Variants in ANO3 observed in about 807,000 individuals in gnomAD.
The protein encoded by ANO3 is anoctamin-3.
A neutral mutation model predicts 144.8 loss-of-function variants in ANO3; 99 were observed. The ratio of observed to expected loss-of-function variants is 0.68; its 90% CI spans 0.58 to 0.81. ANO3 has a LOEUF of 0.81. Ranked by LOEUF, ANO3 falls within the 30% of genes least tolerant of loss-of-function variation. The pLI is 0.00. For synonymous variants in ANO3, 414 were observed against 392.6 expected (o/e 1.05, Z -0.64); for missense variants, 905 against 1,202.2 (o/e 0.75, Z 3.66).
At chr11:26,576,092 A>G (rs544334420) in intron 14 of ANO3, among the ~76,000 whole-genome samples, 203 of 152,312 alleles carry the variant, frequency 1.3e-3, no homozygotes, top group Non-Finnish European at 2.0e-3. Flanking sequence ...GTCTCTGGCT[A>G]GATTCTCCAG....
At chr11:26,514,478 A>G (rs1241498582) in intron 5 of ANO3, among the ~76,000 whole-genome samples, 1 of 152,118 alleles carries the variant, frequency 6.6e-6, no homozygotes, top group Non-Finnish European at 1.5e-5. Context: ...AGATGAGAAA[A>G]CTGAAGATAA....
intron 18 of ANO3, among the ~76,000 whole-genome samples, chr11:26,630,150 T>C (rs1231331422): frequency 6.6e-6 from 1 of 151,860 alleles, no homozygotes; most frequent in Non-Finnish European, 1.5e-5. Context: ...GTCAGAAGAG[T>C]GGATGAAAAA....
At chr11:26,376,890 A>G (rs565410805) in intron 1 of ANO3, among the ~76,000 whole-genome samples, 52 of 152,314 alleles carry the variant, frequency 3.4e-4, no homozygotes, top group African/African-American at 1.2e-3. Flanking sequence ...TATAGGAGCC[A>G]TGCAAAGCAG....
At chr11:26,557,289 G>T (rs1451857883) in intron 13 of ANO3, among the ~76,000 whole-genome samples, 8 of 151,756 alleles carry the variant, frequency 5.3e-5, no homozygotes. Flanking sequence ...GTGAAACCCT[G>T]TCTCTACTAA....
intron 24 of ANO3, among the ~76,000 whole-genome samples, chr11:26,651,825 A>G (rs1200718885): frequency 1.3e-5 from 2 of 152,220 alleles, no homozygotes; most frequent in Admixed American, 1.3e-4. Flanking sequence ...TAGTCCCTTT[A>G]AACTTCAATT....
In ANO3 at chr11:26,617,051, G is replaced by A. The variant is rs552374154; in HGVS notation, c.1837-7411G>A. On this transcript the variant is annotated intron_variant, in intron 17 of 26. Coordinates refer to ENST00000256737, the MANE Select transcript of ANO3 (RefSeq NM_031418.4). ...CTTCCAAAGTGCTGGGATTACAGGC[G>A]TGAGCCACCGTGCCCGGCCCAAAAT... 1.2e-4 allele frequency among the ~76,000 whole-genome samples: 19 copies of A among 152,264 alleles called. No individual in the cohort carries two copies. The South Asian group carries it at 2.5e-3, about 20-fold the overall frequency.
chr11:26,293,533 G>GTATATA (rs59115569), intron 1 of ANO3, among the ~76,000 whole-genome samples: 8 of 25,934 alleles, frequency 3.1e-4, no homozygotes, highest in Admixed American at 1.2e-3. Context: ...TAAATTCCAT[G>GTATATA]TATATATATA....
At chr11:26,590,517 C>T (rs1441087020) in intron 14 of ANO3, among the ~76,000 whole-genome samples, 2 of 152,158 alleles carry the variant, frequency 1.3e-5, no homozygotes, top group African/African-American at 4.8e-5. Flanking sequence ...AAGATGGCGG[C>T]AAGACTTTTG....
At chr11:26,239,800 A>G (rs1237464954) in intron 1 of ANO3, among the ~76,000 whole-genome samples, 2 of 152,168 alleles carry the variant, frequency 1.3e-5, no homozygotes, top group East Asian at 3.8e-4. Context: ...GAAGATCCCA[A>G]ATTTCTGACA....
intron 11 of ANO3, among the ~76,000 whole-genome samples, chr11:26,546,510 A>G (rs1420293490): frequency 6.6e-6 from 1 of 151,992 alleles, no homozygotes; most frequent in Admixed American, 6.6e-5. Flanking sequence ...TAAAGTGCCC[A>G]TCTTTATTGC....
intron 1 of ANO3, among the ~76,000 whole-genome samples, chr11:26,352,253 T>C (rs887550423): frequency 2.6e-5 from 4 of 152,202 alleles, no homozygotes; most frequent in African/African-American, 7.2e-5. Flanking sequence ...ACCCTGTCGC[T>C]GAACTGGCAG....
intron 1 of ANO3, among the ~76,000 whole-genome samples, chr11:26,313,586 C>T (rs888419639): frequency 7.9e-5 from 12 of 151,560 alleles, no homozygotes; most frequent in South Asian, 2.1e-4. Flanking sequence ...ACTTGGGAGG[C>T]GGAGGCAGGA....
In ANO3 at chr11:26,662,319, C is replaced by G. The variant is rs562204148; in HGVS notation, c.*1875C>G. 3 of 151,966 alleles carry G rather than the reference C, an allele frequency of 2.0e-5. No homozygotes were observed. The highest frequency in any genetic ancestry group is 6.6e-5 in the Admixed American group (1 of 15,224). The allele number at this position is 151,966 out of a possible 1,614,324, so 9.4% of individuals were successfully genotyped here. A position where few individuals can be genotyped will look rare whatever the true frequency, so the allele number is the denominator to read the frequency against. On this transcript the variant is annotated 3_prime_UTR_variant, in exon 27 of 27. Transcript: ENST00000256737. ...TTCCAGAGAGGTTCTCATGCTCCCC[C>G]CCCTCCTTATTTGTAGCAATCGTAG...
chr11:26,554,401 TC>T (rs997963426), intron 13 of ANO3, among the ~76,000 whole-genome samples: 1 of 152,142 alleles, frequency 6.6e-6, no homozygotes, highest in Non-Finnish European at 1.5e-5. Flanking sequence ...CATCTACAAG[TC>T]CTTATATGGA....
At position 26,301,144 on chromosome 11, in the gene ANO3, G is replaced by T. The variant is rs151328148; in HGVS notation, c.155-8501G>T. 1.5e-3 allele frequency among the ~76,000 whole-genome samples: 201 copies of T among 134,242 alleles called. 1 individual carries two copies. Among genetic ancestry groups the T allele is most frequent in the Middle Eastern group, 6.9e-3 (2 of 290 alleles). The allele number at this position is 134,242 out of a possible 152,430, so 88.1% of individuals were successfully genotyped here. A position where few individuals can be genotyped will look rare whatever the true frequency, so the allele number is the denominator to read the frequency against. ...TGGGATTACAAGTGTGAGCCACCAC[G>T]CCCAGCCTCTTTACTTTCTTAATTG... On this transcript the variant is annotated intron_variant, in intron 1 of 27. Transcript: ENST00000672621.
intron 14 of ANO3, among the ~76,000 whole-genome samples, chr11:26,563,938 G>C (rs1850406837): frequency 6.6e-6 from 1 of 151,756 alleles, no homozygotes; most frequent in Non-Finnish European, 1.5e-5. Flanking sequence ...AATGTTCTCT[G>C]AACTGAAATT....
At chr11:26,211,146 TAAGA>T (rs1851923977) in intron 1 of ANO3, among the ~76,000 whole-genome samples, 1 of 152,170 alleles carries the variant, frequency 6.6e-6, no homozygotes, top group South Asian at 2.1e-4. Context: ...ATGGAAATCA[TAAGA>T]AACAGTCTCT....
intron 1 of ANO3, among the ~76,000 whole-genome samples, chr11:26,234,904 G>T (rs1048954054): frequency 6.6e-6 from 1 of 151,780 alleles, no homozygotes; most frequent in African/African-American, 2.4e-5. Flanking sequence ...AAGGCCTGAG[G>T]GCCAGAAGTG....
intron 4 of ANO3, among the ~76,000 whole-genome samples, chr11:26,466,243 A>G (rs1466680493): frequency 6.6e-6 from 1 of 152,002 alleles, no homozygotes; most frequent in East Asian, 1.9e-4. Flanking sequence ...TAGAAATTAG[A>G]GGCAGCACTA....
Sources: gnomAD v4.1 joint callset for allele counts (sites outside exome capture counted in the v4.1 genomes callset) on GRCh38, gnomAD v4.1.1 for gene constraint, MANE v1.5 for transcripts, NCBI Gene and HGNC (gene_info 2026-07-23, HGNC 2026-07-21) for gene names.